Variants in MROH9 observed in about 807,000 individuals in gnomAD.
MROH9 encodes maestro heat like repeat family member 9.
Under a neutral mutation model 98.2 loss-of-function variants are expected in MROH9, and 92 were observed. That is an observed-to-expected ratio of 0.94 (90% CI 0.79 to 1.11). The LOEUF (loss-of-function observed/expected upper bound fraction) is 1.11, where lower values mean the gene tolerates loss of function less well. Ranked by LOEUF, MROH9 falls within the 50% of genes most tolerant of loss-of-function variation. MROH9 has a pLI of 0.00. For synonymous variants in MROH9, 397 were observed against 368.9 expected, an observed-to-expected ratio of 1.08 and a Z score of -0.87; for missense variants, 1,057 against 1,014.8, an observed-to-expected ratio of 1.04 and a Z score of -0.57.
intron 9 of MROH9, 73 bp from the exon 10 acceptor site, chr1:170,986,488 C>A (rs1651135426): frequency 2.7e-6 from 4 of 1,506,526 alleles, no homozygotes; most frequent in East Asian, 4.6e-5. Flanking sequence ...GCATCCCCCA[C>A]CATGTCTGAG....
Position 170,983,509 on chromosome 1 carries a change from A to C in MROH9, c.704A>C (p.Gln235Pro). The C allele has an allele frequency of 6.2e-7, 1 of 1,612,114 alleles. No individual in the cohort carries two copies. Among genetic ancestry groups the C allele is most frequent in the Non-Finnish European group, 8.5e-7 (1 of 1,178,460 alleles). Residue 235 changes from glutamine (Q) to proline (P), a missense_variant, in exon 9 of 22, where the codon CAA (glutamine) becomes CCA (proline). Gln to Pro is a moderately conservative substitution (Grantham distance 76). Coordinates refer to ENST00000367759, the MANE Select transcript of MROH9 (RefSeq NM_001163629.2). ...SDVEFLPKEFQQDESKIAQRV... is the reference protein window; with the variant it reads ...SDVEFLPKEFPQDESKIAQRV... ...GTAGAATTTCTACCCAAGGAGTTTC[A>C]ACAAGACGAAAGTAAAATAGCTCAG...
chr1:171,026,978 C>T (rs766694371), intron 20 of MROH9, among the ~76,000 whole-genome samples: 2 of 152,002 alleles, frequency 1.3e-5, no homozygotes, highest in Non-Finnish European at 2.9e-5. Context: ...AAATTACAAC[C>T]AGCAAAAGAG....
At position 170,958,488 on chromosome 1, in the gene MROH9, G is replaced by A. The variant is rs1487741127; in HGVS notation, c.100G>A (p.Ala34Thr). ...MAHKVNSLLD[A>T]YSGLLSNESM... ...ACATAAAGTTAACAGCCTATTGGAT[G>A]CATACTCAGGCCTGTTAAGTAATGA... is the stretch of plus-strand genomic sequence containing the variant. Residue 34 changes from alanine (A) to threonine (T), a missense_variant, in exon 4 of 22, where the codon GCA becomes ACA. Coordinates refer to ENST00000367759, the MANE Select transcript of MROH9 (RefSeq NM_001163629.2). 1 of 1,583,154 alleles carries A rather than the reference G, an allele frequency of 6.3e-7. No individual in the cohort carries two copies. Among genetic ancestry groups the A allele is most frequent in the Non-Finnish European group, 8.6e-7 (1 of 1,159,302 alleles).
Position 170,965,174 on chromosome 1 carries a change from A to G in MROH9, c.399A>G (p.Lys133=). The G allele has an allele frequency of 6.2e-7, 1 of 1,610,712 alleles. No homozygotes were observed. Among genetic ancestry groups the G allele is most frequent in the Non-Finnish European group, 8.5e-7 (1 of 1,177,562 alleles). ...AGGAAATGCTCGTGTGGATGAGTAA[A>G]GATAGCTCATATCTGCAAGAGAGAA... ...ILKEMLVWMS[K]DSSYLQERIM... The change falls in exon 7 of 22, where the codon AAA becomes AAG. Residue 133 remains lysine (K), a synonymous_variant. Coordinates refer to ENST00000367759, the MANE Select transcript of MROH9 (RefSeq NM_001163629.2).
chr1:170,953,387 G>A (rs1649630489), intron 3 of MROH9, among the ~76,000 whole-genome samples: 1 of 151,134 alleles, frequency 6.6e-6, no homozygotes, highest in South Asian at 2.1e-4. Flanking sequence ...TGTGGGCCAT[G>A]GTTTCCGTGT....
intron 20 of MROH9, among the ~76,000 whole-genome samples, chr1:171,026,761 C>G (rs765792904): frequency 6.6e-6 from 1 of 152,058 alleles, no homozygotes; most frequent in Non-Finnish European, 1.5e-5. Flanking sequence ...TGAAGAAAAA[C>G]AAACCTTAGA....
At chr1:171,026,158 A>T (rs1273112610) in intron 20 of MROH9, among the ~76,000 whole-genome samples, 1 of 152,084 alleles carries the variant, frequency 6.6e-6, no homozygotes, top group African/African-American at 2.4e-5. Context: ...AAAGCCCACG[A>T]TCTGTGTTAA....
At chr1:171,055,021 A>G (rs1169690040) in intron 20 of MROH9, among the ~76,000 whole-genome samples, 2 of 151,316 alleles carry the variant, frequency 1.3e-5, no homozygotes, top group African/African-American at 4.9e-5. Flanking sequence ...CCAGAGGAAA[A>G]GAAGTCATTA....
At chr1:170,951,001 G>C (rs1174326459) in intron 3 of MROH9, among the ~76,000 whole-genome samples, 1 of 151,352 alleles carries the variant, frequency 6.6e-6, no homozygotes. Context: ...TTTTTCCCTA[G>C]TGTGGGAGAG....
intron 8 of MROH9, among the ~76,000 whole-genome samples, chr1:170,974,862 G>A (rs1013919645): frequency 6.6e-6 from 1 of 151,736 alleles, no homozygotes; most frequent in Admixed American, 6.6e-5. Flanking sequence ...AACTTAAAGG[G>A]AAAAATGTAT....
intron 8 of MROH9, among the ~76,000 whole-genome samples, chr1:170,972,766 C>A (rs564931422): frequency 6.8e-6 from 1 of 147,172 alleles, no homozygotes; most frequent in Admixed American, 6.9e-5. Flanking sequence ...GAGCCGAGAT[C>A]ATGCCACTGC....
intron 1 of MROH9, among the ~76,000 whole-genome samples, chr1:170,945,137 G>A (rs1163026958): frequency 6.6e-6 from 1 of 151,880 alleles, no homozygotes; most frequent in African/African-American, 2.4e-5. Context: ...TAGATGCTGA[G>A]TATTGTCCTC....
chr1:171,006,481 C>G (rs1315476753), intron 15 of MROH9, among the ~76,000 whole-genome samples: 1 of 152,008 alleles, frequency 6.6e-6, no homozygotes, highest in Non-Finnish European at 1.5e-5. Flanking sequence ...TCCTTCCTCC[C>G]TCCCCCACAC....
chr1:171,003,595 C>G (rs1483152549), intron 15 of MROH9, among the ~76,000 whole-genome samples: 2 of 152,176 alleles, frequency 1.3e-5, no homozygotes, highest in African/African-American at 4.8e-5. Context: ...TGATGTGAAC[C>G]ATTTTTGGGT....
At chr1:171,040,168 A>G (rs1021863242) in intron 20 of MROH9, among the ~76,000 whole-genome samples, 34 of 152,148 alleles carry the variant, frequency 2.2e-4, no homozygotes, top group Non-Finnish European at 2.4e-4. Context: ...TCAAATAGAT[A>G]GAAATGTAAA....
intron 15 of MROH9, among the ~76,000 whole-genome samples, chr1:171,000,034 G>A (rs141885168): frequency 0.024 from 3,618 of 151,942 alleles, 120 homozygotes; most frequent in African/African-American, 0.083. Context: ...GGGATTACTT[G>A]TTTTTTTCTT....
intron 20 of MROH9, among the ~76,000 whole-genome samples, chr1:171,056,713 G>A (rs933116295): frequency 6.6e-6 from 1 of 152,136 alleles, no homozygotes; most frequent in African/African-American, 2.4e-5. Context: ...ACACAGGAGC[G>A]ATCCAACTGG....
chr1:171,007,303 G>A (rs1255894717), intron 15 of MROH9, among the ~76,000 whole-genome samples: 1 of 152,196 alleles, frequency 6.6e-6, no homozygotes, highest in East Asian at 1.9e-4. Flanking sequence ...ACCTTGGTCA[G>A]TAGTGTTGTC....
chr1:170,988,538 C>G (rs1044149380), intron 10 of MROH9, among the ~76,000 whole-genome samples: 1 of 152,170 alleles, frequency 6.6e-6, no homozygotes, highest in African/African-American at 2.4e-5. Flanking sequence ...GTAAAACTAG[C>G]TTCTGCTACA....
Sources: allele counts gnomAD v4.1 joint callset (sites outside exome capture counted in the v4.1 genomes callset), GRCh38; gene constraint gnomAD v4.1.1; transcripts MANE v1.5; gene names NCBI Gene and HGNC (gene_info 2026-07-23, HGNC 2026-07-21).